SLC2A13: variants seen among roughly 807,000 people sequenced by gnomAD.
SLC2A13 encodes the protein proton myo-inositol cotransporter.
In SLC2A13, 32 loss-of-function variants were observed where a neutral mutation model predicts 64.4. That is an observed-to-expected ratio of 0.50 (90% CI 0.37 to 0.67). The LOEUF (loss-of-function observed/expected upper bound fraction) is 0.67, where lower values mean the gene tolerates loss of function less well. SLC2A13 is among the 30% of genes least tolerant of loss of function. The pLI, the probability that SLC2A13 is intolerant of heterozygous loss-of-function variation, is 0.00. For missense variants in SLC2A13, 743 were observed against 829.2 expected, an observed-to-expected ratio of 0.90 and a Z score of 1.28; for synonymous variants, 338 against 327.1, an observed-to-expected ratio of 1.03 and a Z score of -0.36.
intron 7 of SLC2A13, among the ~76,000 whole-genome samples, chr12:39,807,458 T>G (rs1942014659): frequency 1.3e-5 from 2 of 152,182 alleles, no homozygotes; most frequent in African/African-American, 4.8e-5. Context: ...AAAGAGTACA[T>G]GGGATCTCTA....
chr12:39,897,190 T>C (rs1319896203), intron 4 of SLC2A13, among the ~76,000 whole-genome samples: 5 of 152,126 alleles, frequency 3.3e-5, no homozygotes, highest in African/African-American at 1.2e-4. Context: ...ACTCAATCTT[T>C]CCATCCATGA....
chr12:40,020,755 T>A (rs571199814), intron 3 of SLC2A13, among the ~76,000 whole-genome samples: 4 of 152,122 alleles, frequency 2.6e-5, no homozygotes, highest in Non-Finnish European at 5.9e-5. Context: ...TTAAAGGGCA[T>A]AGCAATTTGT....
At position 39,889,960 on chromosome 12, in the gene SLC2A13, A is replaced by G. The variant is rs565813526; in HGVS notation, c.1035-17999T>C. Among the ~76,000 whole-genome samples the G allele has an allele frequency of 9.1e-4, 139 of 152,294 alleles. 1 individual carries two copies. Among genetic ancestry groups the G allele is most frequent in the Middle Eastern group, 3.4e-3 (1 of 294 alleles). ...TCTTCATCAGCTTCTACTTTCAACT[A>G]ATCTCTGGCCAATAATATTTTACAC... On this transcript the variant is annotated intron_variant, in intron 4 of 9. Transcript: ENST00000280871.
intron 3 of SLC2A13, among the ~76,000 whole-genome samples, chr12:39,960,744 C>CTTTTTT (rs71434303): frequency 2.3e-4 from 25 of 108,812 alleles, no homozygotes; most frequent in South Asian, 9.5e-4. Flanking sequence ...CTGTCTCATT[C>CTTTTTT]TTTTTTTTTT....
rs537821288 is a variant in SLC2A13, at chr12:39,896,477, T to TGTAC, written c.1035-24517_1035-24516insGTAC. On this transcript the variant is annotated intron_variant, in intron 4 of 9. Transcript: ENST00000280871. Reference sequence around the variant, plus strand: ...GTGTATATATGTATACATATATGTATATGTGTATATATGTACACATATATG... The same window carrying TGTAC: ...GTGTATATATGTATACATATATGTATGTACATGTGTATATATGTACACATATATG... Among the ~76,000 whole-genome samples, 45 of 143,060 alleles carry TGTAC rather than the reference T, an allele frequency of 3.1e-4. 1 individual carries two copies. Among genetic ancestry groups the TGTAC allele is most frequent in the African/African-American group, 1.1e-3 (42 of 39,094 alleles). 93.9% of individuals were successfully genotyped at this position (143,060 alleles called of 152,430 possible). A position where few individuals can be genotyped will look rare whatever the true frequency, so the allele number is the denominator to read the frequency against.
At chr12:40,016,394 G>T (rs1947621620) in intron 3 of SLC2A13, among the ~76,000 whole-genome samples, 1 of 152,122 alleles carries the variant, frequency 6.6e-6, no homozygotes, top group Non-Finnish European at 1.5e-5. Context: ...TGAGAACCAT[G>T]AGTTTCCAAT....
chr12:39,888,640 G>T (rs1023206296), intron 4 of SLC2A13, among the ~76,000 whole-genome samples: 2 of 152,172 alleles, frequency 1.3e-5, no homozygotes, highest in African/African-American at 4.8e-5. Flanking sequence ...AGAATTGCAA[G>T]AGAGCACAGT....
chr12:39,820,717 T>TCATA (rs1942470919), intron 7 of SLC2A13, among the ~76,000 whole-genome samples: 1 of 132,668 alleles, frequency 7.5e-6, no homozygotes. Flanking sequence ...ATTTTTAAAT[T>TCATA]TATATATATA....
intron 3 of SLC2A13, among the ~76,000 whole-genome samples, chr12:40,014,751 C>A (rs1035245411): frequency 4.6e-5 from 7 of 152,166 alleles, no homozygotes; most frequent in Non-Finnish European, 1.0e-4. Flanking sequence ...CCTCAGCCTG[C>A]CGAAGTACTG....
chr12:39,769,570 G>A (rs370058214), intron 7 of SLC2A13, among the ~76,000 whole-genome samples: 12 of 151,912 alleles, frequency 7.9e-5, no homozygotes, highest in Admixed American at 3.9e-4. Flanking sequence ...TCCTCCCTCC[G>A]GTGGTACAAG....
chr12:39,964,074 C>T (rs560260644), intron 3 of SLC2A13, among the ~76,000 whole-genome samples: 8 of 152,160 alleles, frequency 5.3e-5, no homozygotes, highest in East Asian at 3.9e-4. Flanking sequence ...AAGAAAGAGA[C>T]GATGTTTTCT....
At chr12:40,030,404 C>A (rs1259577148) in intron 2 of SLC2A13, among the ~76,000 whole-genome samples, 1 of 152,068 alleles carries the variant, frequency 6.6e-6, no homozygotes, top group African/African-American at 2.4e-5. Context: ...TGAGCTGTGT[C>A]AAAGACATGT....
intron 7 of SLC2A13, among the ~76,000 whole-genome samples, chr12:39,807,653 C>A (rs183922716): frequency 1.3e-5 from 2 of 152,202 alleles, no homozygotes; most frequent in Admixed American, 6.5e-5. Flanking sequence ...AAAATGGATA[C>A]ATGATTTAGT....
In SLC2A13 at chr12:39,765,225, G is replaced by T. The variant is rs180982867; in HGVS notation, c.1446-367C>A. Among the ~76,000 whole-genome samples, 50 of 152,170 alleles carry T rather than the reference G, an allele frequency of 3.3e-4. 1 individual carries two copies. Among genetic ancestry groups the T allele is most frequent in the Admixed American group, 5.2e-4 (8 of 15,280 alleles). On this transcript the variant is annotated intron_variant, in intron 7 of 9. Coordinates refer to ENST00000280871, the MANE Select transcript of SLC2A13 (RefSeq NM_052885.4). Reference sequence around the variant, plus strand: ...TGACAAGATTCAAATTTCAGAGCCAGATACTTTTCATCTGATAAAATGGGG... The same window carrying T: ...TGACAAGATTCAAATTTCAGAGCCATATACTTTTCATCTGATAAAATGGGG...
In SLC2A13 at chr12:39,764,877, T is replaced by A; in HGVS notation, c.1446-19A>T. The A allele has an allele frequency of 6.2e-7, 1 of 1,608,860 alleles. No homozygotes were observed. The highest frequency in any genetic ancestry group is 1.3e-5 in the African/African-American group (1 of 74,802). On this transcript the variant is annotated intron_variant, in intron 7 of 9. Coordinates refer to ENST00000280871, the MANE Select transcript of SLC2A13 (RefSeq NM_052885.4). The stretch of plus-strand genomic sequence containing the variant: ...TTCACACCTGAAAAATAATGCAATA[T>A]AAGTATTAACTTAATGTTTTTGACT...
intron 4 of SLC2A13, among the ~76,000 whole-genome samples, chr12:39,887,754 A>G (rs748911680): frequency 2.9e-4 from 44 of 152,220 alleles, no homozygotes; most frequent in Non-Finnish European, 4.4e-4. Context: ...AAAATTCCAG[A>G]TTTTCTTTCT....
intron 6 of SLC2A13, chr12:39,835,900 C>A (rs1942990828): frequency 6.6e-6 from 1 of 151,996 alleles, no homozygotes; most frequent in African/African-American, 2.4e-5. Flanking sequence ...AAGGCAAAAC[C>A]AATTGTCAAA....
chr12:39,764,837 G>C lies in SLC2A13; in HGVS notation c.1467C>G (p.Phe489Leu). ...AWGRCENETKFKTEDIFWAYN... is the reference protein window; with the variant it reads ...AWGRCENETKLKTEDIFWAYN... Reference sequence around the variant, plus strand: ...AAGCCCAAAATATATCTTCTGTTTTGAACTTGGTTTCATTTTCACACCTGA... The same window carrying C: ...AAGCCCAAAATATATCTTCTGTTTTCAACTTGGTTTCATTTTCACACCTGA... Residue 489 changes from phenylalanine to leucine, a missense_variant, in exon 8 of 10, where the codon TTC becomes TTG. By Grantham distance (22) the Phe-to-Leu change is conservative. Coordinates refer to ENST00000280871, the MANE Select transcript of SLC2A13 (RefSeq NM_052885.4). The C allele has an allele frequency of 6.2e-7, 1 of 1,612,098 alleles. No individual in the cohort carries two copies. The highest frequency in any genetic ancestry group is 8.5e-7 in the Non-Finnish European group (1 of 1,178,996).
chr12:40,025,530 A>G (rs28370679), intron 3 of SLC2A13, among the ~76,000 whole-genome samples: 1 of 152,360 alleles, frequency 6.6e-6, no homozygotes, highest in Non-Finnish European at 1.5e-5. Context: ...CTGATCCAGA[A>G]TCAGACCTAT....
Sources: gnomAD v4.1 joint callset for allele counts (sites outside exome capture counted in the v4.1 genomes callset) on GRCh38, gnomAD v4.1.1 for gene constraint, MANE v1.5 for transcripts, NCBI Gene and HGNC (gene_info 2026-07-23, HGNC 2026-07-21) for gene names.